The following BLVRB variants were observed in gnomAD, a reference collection of about 807,000 sequenced individuals.
BLVRB encodes the protein biliverdin reductase B.
Under a neutral mutation model 21.1 loss-of-function variants are expected in BLVRB, and 25 were observed. The observed-to-expected ratio is 1.19, with a 90% CI of 0.86 to 1.66. The LOEUF is 1.66. Ranked by LOEUF, BLVRB falls within the 40% of genes most tolerant of loss-of-function variation. BLVRB has a pLI of 0.00. For missense variants in BLVRB, 274 were observed against 282.7 expected (o/e 0.97, Z 0.22); for synonymous variants, 128 against 122.2 (o/e 1.05, Z -0.31).
chr19:40,457,911 T>C, intron 3 of BLVRB: 1 of 498,732 alleles, frequency 2.0e-6, no homozygotes, highest in Non-Finnish European at 3.6e-6. Context: ...TCCGATGATC[T>C]GGATGTCAGT....
At chr19:40,451,560 G>A (rs1029300634) in intron 3 of BLVRB, 68 bp from the exon 4 acceptor site, 22 of 1,443,470 alleles carry the variant, frequency 1.5e-5, no homozygotes, top group Non-Finnish European at 2.0e-5. Flanking sequence ...TTGAGACAGA[G>A]TGTCGCTTTG....
At chr19:40,461,131 G>A (rs901691756) in intron 1 of BLVRB, among the ~76,000 whole-genome samples, 33 of 151,944 alleles carry the variant, frequency 2.2e-4, no homozygotes, top group Non-Finnish European at 4.4e-4. Flanking sequence ...AATCTGCCTG[G>A]CATGGCCTCC....
At chr19:40,460,640 A>G (rs1358359057) in intron 1 of BLVRB, among the ~76,000 whole-genome samples, 1 of 151,664 alleles carries the variant, frequency 6.6e-6, no homozygotes, top group African/African-American at 2.4e-5. Flanking sequence ...ATTAAATTAA[A>G]TTAACAAAAA....
At chr19:40,450,179 C>A (rs1440559925) in intron 4 of BLVRB, 2 of 105,906 alleles carry the variant, frequency 1.9e-5, no homozygotes, top group African/African-American at 3.9e-5. Flanking sequence ...AGCCTGGCGG[C>A]AGAGCAAGAC....
chr19:40,465,538 G>T lies in BLVRB; in HGVS notation c.79+72C>A, dbSNP rs1245082056. ...TCATGGCCCCAATCAGCCTCGGCCC[G>T]ACCCCATGGTGCCCCTTCCTAAAGT... On this transcript the variant is annotated intron_variant, in intron 1 of 4. Transcript: ENST00000263368. 12 of 1,537,890 alleles carry T rather than the reference G, an allele frequency of 7.8e-6. No homozygotes were observed. The South Asian group carries it at 1.4e-4, about 18-fold the overall frequency.
At chr19:40,448,185 A>T (rs1042207831) in intron 4 of BLVRB, 139 bp from the exon 5 acceptor site, 1 of 815,330 alleles carries the variant, frequency 1.2e-6, no homozygotes, top group African/African-American at 1.7e-5. Flanking sequence ...TGGACTTTCC[A>T]TATGCAGGTG....
At chr19:40,448,895 C>A (rs187220609) in intron 4 of BLVRB, among the ~76,000 whole-genome samples, 6 of 151,910 alleles carry the variant, frequency 3.9e-5, no homozygotes, top group Non-Finnish European at 7.4e-5. Flanking sequence ...AGTTTGAGAC[C>A]AGCCAACATG....
intron 3 of BLVRB, among the ~76,000 whole-genome samples, chr19:40,454,619 C>T (rs920427813): frequency 6.6e-6 from 1 of 151,914 alleles, no homozygotes; most frequent in Non-Finnish European, 1.5e-5. Flanking sequence ...GATCTCAGCT[C>T]ACTGCAAGCT....
intron 3 of BLVRB, among the ~76,000 whole-genome samples, chr19:40,456,232 T>C (rs967042713): frequency 6.6e-6 from 1 of 152,120 alleles, no homozygotes; most frequent in Non-Finnish European, 1.5e-5. Flanking sequence ...TGGTGTCCTT[T>C]CAATTTTTCT....
intron 3 of BLVRB, among the ~76,000 whole-genome samples, chr19:40,455,631 G>A (rs1158936326): frequency 6.6e-6 from 1 of 152,194 alleles, no homozygotes; most frequent in Non-Finnish European, 1.5e-5. Flanking sequence ...CCAGGAGGTG[G>A]ATGTTGCAGT....
In BLVRB at chr19:40,448,051, G is replaced by T; in HGVS notation, c.464-5C>A. 1.7e-5 allele frequency: 28 copies of T among 1,610,194 alleles called. No homozygotes were observed. The highest frequency in any genetic ancestry group is 2.2e-5 in the Non-Finnish European group (26 of 1,176,852). On this transcript the variant is annotated splice_region_variant and splice_polypyrimidine_tract_variant and intron_variant, in intron 4 of 4. Coordinates refer to ENST00000263368, the MANE Select transcript of BLVRB (RefSeq NM_000713.3). Reference sequence around the variant, plus strand: ...CCCCAGTTAGTGGCTGGTCTCCTATGAAGTAAAGACAAGAGGGGCTGGATA... The same window carrying T: ...CCCCAGTTAGTGGCTGGTCTCCTATTAAGTAAAGACAAGAGGGGCTGGATA...
At position 40,451,235 on chromosome 19, in the gene BLVRB, A is replaced by G; in HGVS notation, c.463+129T>C. 6.5e-6 allele frequency: 9 copies of G among 1,374,782 alleles called. 1 individual carries two copies. The Admixed American group carries it at 1.4e-4, about 21-fold the overall frequency. 85.2% of individuals were successfully genotyped at this position (1,374,782 alleles called of 1,614,324 possible). On this transcript the variant is annotated intron_variant, in intron 4 of 4. Coordinates refer to ENST00000263368, the MANE Select transcript of BLVRB (RefSeq NM_000713.3). ...CAGGAAACAGGGACAAAGGCCAAAT[A>G]TATATGTCACAATATCATAGGAAGG...
chr19:40,453,181 G>T (rs1366726551), intron 3 of BLVRB, among the ~76,000 whole-genome samples: 2 of 152,308 alleles, frequency 1.3e-5, no homozygotes, highest in Admixed American at 1.3e-4. Flanking sequence ...AAAATGCTGC[G>T]ATTACAGGTG....
At chr19:40,452,101 C>T (rs1408255252) in intron 3 of BLVRB, among the ~76,000 whole-genome samples, 1 of 152,132 alleles carries the variant, frequency 6.6e-6, no homozygotes, top group African/African-American at 2.4e-5. Flanking sequence ...GTGAACACCC[C>T]TATCAGTTCA....
rs751696189 is a variant in BLVRB at position 40,459,327 on chromosome 19, C to CAAAAAAAAAAAAA, written c.80-795_80-783dup. Among the ~76,000 whole-genome samples, 15 of 34,428 alleles carry CAAAAAAAAAAAAA rather than the reference C, an allele frequency of 4.4e-4. 3 individuals are homozygous for CAAAAAAAAAAAAA. The highest frequency in any genetic ancestry group is 5.4e-4 in the African/African-American group (5 of 9,310). 22.6% of individuals were successfully genotyped at this position (34,428 alleles called of 152,430 possible). A position where few individuals can be genotyped will look rare whatever the true frequency, so the allele number is the denominator to read the frequency against. ...TGGATGACAAAGCGAGACTCTATCT[C>CAAAAAAAAAAAAA]AAAAAAAAAAAAAAAAAAAAAAAAA... On this transcript the variant is annotated intron_variant, in intron 1 of 4. Transcript: ENST00000263368.
At chr19:40,456,148 A>G (rs1343262257) in intron 3 of BLVRB, among the ~76,000 whole-genome samples, 1 of 152,212 alleles carries the variant, frequency 6.6e-6, no homozygotes, top group African/African-American at 2.4e-5. Flanking sequence ...AGCAGCCATG[A>G]TGTATGTAAG....
At chr19:40,451,701 T>G (rs1453183096) in intron 3 of BLVRB, among the ~76,000 whole-genome samples, 3 of 152,042 alleles carry the variant, frequency 2.0e-5, no homozygotes, top group African/African-American at 7.2e-5. Context: ...CCTGACTAAT[T>G]TTTGTATTTT....
chr19:40,455,902 G>A (rs963085011), intron 3 of BLVRB, among the ~76,000 whole-genome samples: 1 of 151,890 alleles, frequency 6.6e-6, no homozygotes, highest in South Asian at 2.1e-4. Context: ...GCTTGAGTCC[G>A]GGAGTTCGGG....
At chr19:40,454,436 C>G (rs150351585) in intron 3 of BLVRB, among the ~76,000 whole-genome samples, 142 of 151,928 alleles carry the variant, frequency 9.3e-4, no homozygotes, top group African/African-American at 3.4e-3. Context: ...TCTAGGATTT[C>G]CTCTTTACAG....
Sources: allele counts gnomAD v4.1 joint callset (sites outside exome capture counted in the v4.1 genomes callset), GRCh38; gene constraint gnomAD v4.1.1; transcripts MANE v1.5; gene names NCBI Gene and HGNC (gene_info 2026-07-23, HGNC 2026-07-21).